Variants in REG4 observed in about 807,000 individuals in gnomAD.
REG4 encodes regenerating family member 4, also known as regenerating islet-derived protein 4.
REG4 carries 16 observed loss-of-function variants against 22.3 expected under a neutral mutation model. The observed-to-expected ratio is 0.72, with a 90% CI of 0.49 to 1.09. The LOEUF (loss-of-function observed/expected upper bound fraction) is 1.09. Among genes scored for constraint, REG4 ranks in the 50% least tolerant of loss-of-function variants. The probability of loss-of-function intolerance (pLI) is 0.00; values close to 1 mark genes in which losing one functional copy is unlikely to be tolerated. For missense variants in REG4, 214 were observed against 193.9 expected (o/e 1.10, Z -0.61); for synonymous variants, 71 against 69.2 (o/e 1.03, Z -0.13).
intron 3 of REG4, chr1:119,802,288 G>T (rs765412166): frequency 3.0e-5 from 29 of 951,692 alleles, no homozygotes; most frequent in Middle Eastern, 5.4e-4. Flanking sequence ...TCGCAATCCT[G>T]CATTAATCCT....
At chr1:119,805,825 T>C (rs1291623052) in intron 2 of REG4, among the ~76,000 whole-genome samples, 1 of 151,972 alleles carries the variant, frequency 6.6e-6, no homozygotes, top group Non-Finnish European at 1.5e-5. Context: ...CCTCACTTCA[T>C]CTCTCTCCCC....
At chr1:119,799,703 T>C (rs112242267) in intron 4 of REG4, 22 bp downstream of exon 4, 6 of 1,608,400 alleles carry the variant, frequency 3.7e-6, no homozygotes, top group East Asian at 2.2e-5. Context: ...AAGAGGGCCT[T>C]TGTGGCCAAG....
At chr1:119,811,335 G>C (rs1654490556) in intron 1 of REG4, 74 bp downstream of exon 1, 1 of 152,188 alleles carries the variant, frequency 6.6e-6, no homozygotes, top group South Asian at 2.1e-4. Context: ...GTCATTTCTG[G>C]CCTGGCTAAT....
chr1:119,805,108 C>G lies in REG4; in HGVS notation c.68-1943G>C, dbSNP rs145745673. ...CCAACCCTCCCAACCTTTATAAAAA[C>G]GAGAAATTCAAAACTTAGCAACAGA... On this transcript the variant is annotated intron_variant, in intron 2 of 5. Coordinates refer to ENST00000256585, the MANE Select transcript of REG4 (RefSeq NM_032044.4). Among the ~76,000 whole-genome samples, 22 of 152,196 alleles carry G rather than the reference C, an allele frequency of 1.4e-4. No homozygotes were observed. The East Asian group carries it at 4.1e-3, about 28-fold the overall frequency.
chr1:119,808,826 C>G lies in REG4; in HGVS notation c.-57G>C. ...AAGGATCTCAGAGACCTTACTAGCG[C>G]TTCTTTGAAACTCCTGGGTTCTCCT... On this transcript the variant is annotated 5_prime_UTR_variant, in exon 2 of 6. Coordinates refer to ENST00000256585, the MANE Select transcript of REG4 (RefSeq NM_032044.4). The G allele has an allele frequency of 7.6e-7, 1 of 1,317,114 alleles. No homozygotes were observed. The highest frequency in any genetic ancestry group is 1.1e-6 in the Non-Finnish European group (1 of 918,492). 81.6% of individuals were successfully genotyped at this position (1,317,114 alleles called of 1,614,324 possible).
At chr1:119,805,824 ATC>A (rs1319601264) in intron 2 of REG4, among the ~76,000 whole-genome samples, 1 of 147,058 alleles carries the variant, frequency 6.8e-6, no homozygotes, top group African/African-American at 2.5e-5. Flanking sequence ...TCCTCACTTC[ATC>A]TCTCTCCCCT....
chr1:119,797,336 CCTCTATGGCTGTTTA>C (rs1653963426), intron 5 of REG4, among the ~76,000 whole-genome samples: 1 of 152,176 alleles, frequency 6.6e-6, no homozygotes, highest in South Asian at 2.1e-4. Flanking sequence ...GTGAAAATCC[CCTCTATGGCTGTTTA>C]TCTCTGAGGG....
chr1:119,810,768 C>T (rs1247106853), intron 1 of REG4, among the ~76,000 whole-genome samples: 1 of 152,128 alleles, frequency 6.6e-6, no homozygotes, highest in Non-Finnish European at 1.5e-5. Context: ...GTAAGCTGCA[C>T]TGGGCCGGGT....
intron 4 of REG4, 81 bp downstream of exon 4, chr1:119,799,644 T>C: frequency 6.5e-7 from 1 of 1,545,368 alleles, no homozygotes; most frequent in Non-Finnish European, 8.8e-7. Context: ...GTCCTTGTTA[T>C]AGGCCGGGAG....
Position 119,802,819 on chromosome 1 carries a change from G to A in REG4, c.165+249C>T, listed in dbSNP as rs1444573277. ...TGACAGTGAGCTTGCTGAGGGTAGG[G>A]GCTCTTTCCTATGTATCCGTATGTG... On this transcript the variant is annotated intron_variant, in intron 3 of 5. Coordinates refer to ENST00000256585, the MANE Select transcript of REG4 (RefSeq NM_032044.4). The A allele has an allele frequency of 3.3e-6, 5 of 1,521,170 alleles. No homozygotes were observed. In the African/African-American group the frequency reaches 5.6e-5, roughly 17 times the overall value. 94.2% of individuals were successfully genotyped at this position (1,521,170 alleles called of 1,614,324 possible).
rs760294717 is a variant in REG4 at position 119,794,102 on chromosome 1, T to A, written c.*516A>T. 5.4e-5 allele frequency: 29 copies of A among 533,030 alleles called. No individual in the cohort carries two copies. Among genetic ancestry groups the A allele is most frequent in the Middle Eastern group, 3.2e-4 (1 of 3,170 alleles). The allele number at this position is 533,030 out of a possible 1,614,324, so 33.0% of individuals were successfully genotyped here. ...CAGCAACCTCTTATGTACACAATGG[T>A]TTATTAAAGGAATGTATGGCCCACA... On this transcript the variant is annotated 3_prime_UTR_variant, in exon 6 of 6. Transcript: ENST00000256585.
chr1:119,799,882 C>T lies in REG4; in HGVS notation c.166-20G>A, dbSNP rs587751115. The T allele has an allele frequency of 8.7e-6, 14 of 1,613,148 alleles. No individual in the cohort carries two copies. In the East Asian group the frequency reaches 2.5e-4, roughly 28 times the overall value. On this transcript the variant is annotated intron_variant, in intron 3 of 5. Coordinates refer to ENST00000256585, the MANE Select transcript of REG4 (RefSeq NM_032044.4). ...CTCGAGCTATGTACAAGGAGAGGTC[C>T]TGTTAATTATGCCTGCATGTTTAAA...
chr1:119,810,205 T>C (rs1654455234), intron 1 of REG4, among the ~76,000 whole-genome samples: 2 of 152,146 alleles, frequency 1.3e-5, no homozygotes, highest in African/African-American at 4.8e-5. Flanking sequence ...GACTGGCCAT[T>C]ACTGTCACAT....
chr1:119,806,758 T>C (rs1236504510), intron 2 of REG4, among the ~76,000 whole-genome samples: 4 of 152,200 alleles, frequency 2.6e-5, no homozygotes, highest in African/African-American at 9.7e-5. Flanking sequence ...ATCAAGAGGT[T>C]TCAGCTTCTA....
intron 3 of REG4, among the ~76,000 whole-genome samples, chr1:119,800,666 A>C (rs369527800): frequency 6.6e-6 from 1 of 152,180 alleles, no homozygotes; most frequent in South Asian, 2.1e-4. Flanking sequence ...TAAATTGTAA[A>C]CAGTGGTCTG....
At chr1:119,795,461 C>A (rs1456832194) in intron 5 of REG4, among the ~76,000 whole-genome samples, 1 of 152,198 alleles carries the variant, frequency 6.6e-6, no homozygotes, top group Non-Finnish European at 1.5e-5. Flanking sequence ...AGGAGAGAGC[C>A]CAAGGCGGAG....
intron 2 of REG4, among the ~76,000 whole-genome samples, chr1:119,804,405 C>T (rs2101072427): frequency 6.6e-6 from 1 of 152,282 alleles, no homozygotes; most frequent in East Asian, 1.9e-4. Context: ...TCCTTCTATG[C>T]CATAGTCCCA....
At chr1:119,805,436 G>A (rs1448231977) in intron 2 of REG4, among the ~76,000 whole-genome samples, 1 of 152,132 alleles carries the variant, frequency 6.6e-6, no homozygotes, top group East Asian at 1.9e-4. Context: ...TGAAGCAACT[G>A]TCCTTGGCCT....
intron 1 of REG4, among the ~76,000 whole-genome samples, chr1:119,810,610 A>G (rs1489023629): frequency 2.0e-5 from 3 of 152,202 alleles, no homozygotes; most frequent in Non-Finnish European, 1.5e-5. Flanking sequence ...TGTATTTTCA[A>G]TGTCCTCAAA....
Sources: allele counts gnomAD v4.1 joint callset (sites outside exome capture counted in the v4.1 genomes callset), GRCh38; gene constraint gnomAD v4.1.1; transcripts MANE v1.5; gene names NCBI Gene and HGNC (gene_info 2026-07-23, HGNC 2026-07-21).